FOXQ1: variants seen among roughly 807,000 people sequenced by gnomAD.
FOXQ1 encodes the protein forkhead box protein Q1.
FOXQ1 carries 1 observed loss-of-function variant against 0.6 expected under a neutral mutation model. The observed-to-expected ratio is 1.73, with a 90% CI of 0.61 to 8.20. The LOEUF is 8.20. FOXQ1 is among the 30% of genes most tolerant of loss of function. FOXQ1 has a pLI of 0.13. For missense variants in FOXQ1, 734 were observed against 595.6 expected, an observed-to-expected ratio of 1.23 and a Z score of -2.42; for synonymous variants, 377 against 294.4, an observed-to-expected ratio of 1.28 and a Z score of -2.87.
rs1347992814 is a variant in FOXQ1 at position 1,313,911 on chromosome 6, GC to G, written c.1209del (p.Ter404GlufsTer2). On this transcript the variant is annotated frameshift_variant, in exon 1 of 1. Coordinates refer to ENST00000296839, the MANE Select transcript of FOXQ1 (RefSeq NM_033260.4). LOFTEE classifies it high-confidence loss of function. The surrounding 1 kb of genome is among the most constrained non-coding windows in gnomAD (Gnocchi z 5.2). ...GCCGTACCCGGTGGAGACGCTCCTAGCCTGAGTAGCGCCGCGGGGCCCGGGA... is the reference window on the plus strand; with the variant it reads ...GCCGTACCCGGTGGAGACGCTCCTAGCTGAGTAGCGCCGCGGGGCCCGGGA... ...HLPYPVETLL[A>X] 2 of 1,250,632 alleles carry G rather than the reference GC, an allele frequency of 1.6e-6. No homozygotes were observed. Among genetic ancestry groups the G allele is most frequent in the Non-Finnish European group, 2.0e-6 (2 of 999,692 alleles). 77.5% of individuals were successfully genotyped at this position (1,250,632 alleles called of 1,614,324 possible). A position where few individuals can be genotyped will look rare whatever the true frequency, so the allele number is the denominator to read the frequency against.
chr6:1,313,293 A>C lies in FOXQ1; in HGVS notation c.589A>C (p.Asn197His). The C allele has an allele frequency of 6.2e-7, 1 of 1,608,120 alleles. No homozygotes were observed. The change falls in exon 1 of 1, where the codon AAC (asparagine) becomes CAC (histidine). Residue 197 changes from asparagine (N) to histidine (H), a missense_variant. By Grantham distance (68) the Asn-to-His change is moderately conservative. Coordinates refer to ENST00000296839, the MANE Select transcript of FOXQ1 (RefSeq NM_033260.4). This position sits in a 1 kb window ranked among gnomAD's most constrained non-coding sequence, Gnocchi z 5.2. Reference protein sequence around the residue: ...PWGKDNYWMLNPNSEYTFADG... With the variant: ...PWGKDNYWMLHPNSEYTFADG... ...GGGCAAGGACAACTACTGGATGCTC[A>C]ACCCCAACAGCGAGTACACCTTCGC...
In FOXQ1 at chr6:1,314,023, A is replaced by T. The variant is rs1416376210; in HGVS notation, c.*107A>T. 4.2e-6 allele frequency: 5 copies of T among 1,198,832 alleles called. No homozygotes were observed. The highest frequency in any genetic ancestry group is 8.8e-5 in the Admixed American group (2 of 22,610). 74.3% of individuals were successfully genotyped at this position (1,198,832 alleles called of 1,614,324 possible). ...TGAATCCAGAGGAAGATGAATTTTTAAAATCTCCATCAAACGTGCCTTAAA... is the reference window on the plus strand; with the variant it reads ...TGAATCCAGAGGAAGATGAATTTTTTAAATCTCCATCAAACGTGCCTTAAA... On this transcript the variant is annotated 3_prime_UTR_variant, in exon 1 of 1. Coordinates refer to ENST00000296839, the MANE Select transcript of FOXQ1 (RefSeq NM_033260.4).
Position 1,314,118 on chromosome 6 carries a change from A to G in FOXQ1, c.*202A>G. ...TTTCCTTTGTGTTTTATAACTTTAC[A>G]GAGGACCAAAGCAATTCTTGTTTTA... is the stretch of plus-strand genomic sequence containing the variant. On this transcript the variant is annotated 3_prime_UTR_variant, in exon 1 of 1. Coordinates refer to ENST00000296839, the MANE Select transcript of FOXQ1 (RefSeq NM_033260.4). 1 of 723,974 alleles carries G rather than the reference A, an allele frequency of 1.4e-6. No individual in the cohort carries two copies. Among genetic ancestry groups the G allele is most frequent in the Non-Finnish European group, 1.9e-6 (1 of 523,776 alleles). 44.8% of individuals were successfully genotyped at this position (723,974 alleles called of 1,614,324 possible). A position where few individuals can be genotyped will look rare whatever the true frequency, so the allele number is the denominator to read the frequency against.
At position 1,313,444 on chromosome 6, in the gene FOXQ1, C is replaced by G. The variant is rs779031088; in HGVS notation, c.740C>G (p.Ala247Gly). Residue 247 changes from alanine to glycine, a missense_variant, in exon 1 of 1, where the codon GCC (alanine) becomes GGC (glycine). Transcript: ENST00000296839. This position sits in a 1 kb window ranked among gnomAD's most constrained non-coding sequence, Gnocchi z 5.2. ...AAPPPAPAAP[A>G]SPRMRSPARQ... is the part of the protein sequence containing the mutation. The stretch of plus-strand genomic sequence containing the variant: ...CCGCCGCCCGCGCCCGCCGCCCCGG[C>G]CTCGCCCCGCATGCGCTCGCCCGCC... 3.1e-5 allele frequency: 32 copies of G among 1,023,994 alleles called. No individual in the cohort carries two copies. The highest frequency in any genetic ancestry group is 3.6e-5 in the Non-Finnish European group (31 of 860,118). The allele number at this position is 1,023,994 out of a possible 1,614,324, so 63.4% of individuals were successfully genotyped here.
Position 1,312,478 on chromosome 6 carries a change from C to T in FOXQ1, c.-227C>T. On this transcript the variant is annotated 5_prime_UTR_variant, in exon 1 of 1. Transcript: ENST00000296839. Reference sequence around the variant, plus strand: ...CGAAGGCGACACCCACCCAACTCCTCCCTCTCCGCCCCATAGTCCACCCAA... The same window carrying T: ...CGAAGGCGACACCCACCCAACTCCTTCCTCTCCGCCCCATAGTCCACCCAA... 1.7e-6 allele frequency: 1 copy of T among 589,274 alleles called. No homozygotes were observed. The highest frequency in any genetic ancestry group is 2.5e-6 in the Non-Finnish European group (1 of 405,246). 36.5% of individuals were successfully genotyped at this position (589,274 alleles called of 1,614,324 possible).
rs747919243 is a variant in FOXQ1, at chr6:1,313,490, C to G, written c.786C>G (p.Ser262Arg). The G allele has an allele frequency of 7.8e-5, 92 of 1,187,054 alleles. No homozygotes were observed. The highest frequency in any genetic ancestry group is 9.3e-5 in the Non-Finnish European group (88 of 941,586). 73.5% of individuals were successfully genotyped at this position (1,187,054 alleles called of 1,614,324 possible). The change falls in exon 1 of 1, where the codon AGC becomes AGG. Residue 262 changes from serine (S) to arginine (R), a missense_variant. By Grantham distance (110) the Ser-to-Arg change is moderately radical (BLOSUM62 -1). Coordinates refer to ENST00000296839, the MANE Select transcript of FOXQ1 (RefSeq NM_033260.4). This position sits in a 1 kb window ranked among gnomAD's most constrained non-coding sequence, Gnocchi z 5.2. ...RSPARQEERA[S>R]PAGKFSSSFA... ...CCGCCCGCCAGGAGGAGCGCGCCAG[C>G]CCCGCGGGCAAGTTCTCCAGCTCCT...
At position 1,313,838 on chromosome 6, in the gene FOXQ1, G is replaced by T. The variant is rs1157901360; in HGVS notation, c.1134G>T (p.Leu378=). ...GGAHLYCPLR[L]PAALQAASVR... ...CGCACCTGTACTGCCCCCTGCGGCT[G>T]CCCGCAGCCCTGCAGGCGGCCTCAG... Residue 378 remains leucine, a synonymous_variant, in exon 1 of 1, where the codon CTG becomes CTT. Transcript: ENST00000296839. The surrounding 1 kb of genome is among the most constrained non-coding windows in gnomAD (Gnocchi z 5.2). The T allele has an allele frequency of 7.7e-7, 1 of 1,296,532 alleles. No homozygotes were observed. The highest frequency in any genetic ancestry group is 9.7e-7 in the Non-Finnish European group (1 of 1,028,120). The allele number at this position is 1,296,532 out of a possible 1,614,324, so 80.3% of individuals were successfully genotyped here. A position where few individuals can be genotyped will look rare whatever the true frequency, so the allele number is the denominator to read the frequency against.
rs1757587755 is a variant in FOXQ1, at chr6:1,313,550, CA to C, written c.847del (p.Ser283AlafsTer120). 7.9e-7 allele frequency: 1 copy of C among 1,266,134 alleles called. No homozygotes were observed. Among genetic ancestry groups the C allele is most frequent in the African/African-American group, 1.6e-5 (1 of 62,590 alleles). 78.4% of individuals were successfully genotyped at this position (1,266,134 alleles called of 1,614,324 possible). On this transcript the variant is annotated frameshift_variant, in exon 1 of 1. Coordinates refer to ENST00000296839, the MANE Select transcript of FOXQ1 (RefSeq NM_033260.4). LOFTEE classifies it low-confidence loss of function (END_TRUNC). This position sits in a 1 kb window ranked among gnomAD's most constrained non-coding sequence, Gnocchi z 5.2. ...ACAGCATCCTGCGCAAGCCCTTCCG[CA>C]GCCGCCGCCTCAGGGACACGGCCCC... Reference protein sequence around the residue: ...IDSILRKPFRSRRLRDTAPGT... With the variant: ...IDSILRKPFRXRRLRDTAPGT...
chr6:1,312,735 G>A lies in FOXQ1; in HGVS notation c.31G>A (p.Ala11Thr), dbSNP rs984768183. The change falls in exon 1 of 1, where the codon GCC becomes ACC. Residue 11 changes from alanine to threonine, a missense_variant. Transcript: ENST00000296839. The stretch of plus-strand genomic sequence containing the variant: ...GTTGGAGGTGTTCGTCCCTCGCGCG[G>A]CCCACGGGGACAAGCAGGGCAGTGA... MKLEVFVPRA[A>T]HGDKQGSDLE... 2 of 1,355,154 alleles carry A rather than the reference G, an allele frequency of 1.5e-6. No homozygotes were observed. The highest frequency in any genetic ancestry group is 3.0e-5 in the East Asian group (1 of 32,836). 83.9% of individuals were successfully genotyped at this position (1,355,154 alleles called of 1,614,324 possible).
In FOXQ1 at chr6:1,314,129, G is replaced by A. The variant is rs1757603940; in HGVS notation, c.*213G>A. ...TTTTATAACTTTACAGAGGACCAAAGCAATTCTTGTTTTAGTTTCTTTGCG... is the reference window on the plus strand; with the variant it reads ...TTTTATAACTTTACAGAGGACCAAAACAATTCTTGTTTTAGTTTCTTTGCG... On this transcript the variant is annotated 3_prime_UTR_variant, in exon 1 of 1. Coordinates refer to ENST00000296839, the MANE Select transcript of FOXQ1 (RefSeq NM_033260.4). 3.2e-5 allele frequency: 22 copies of A among 682,832 alleles called. No homozygotes were observed. Among genetic ancestry groups the A allele is most frequent in the Admixed American group, 4.7e-5 (1 of 21,182 alleles). The allele number at this position is 682,832 out of a possible 1,614,324, so 42.3% of individuals were successfully genotyped here. A position where few individuals can be genotyped will look rare whatever the true frequency, so the allele number is the denominator to read the frequency against.
rs1757605790 is a variant in FOXQ1 at position 1,314,207 on chromosome 6, C to G, written c.*291C>G. ...GACTTTTTTTGTCTTTCTTTAACGC[C>G]CAGGCTTCGTCTTATTTCTACTGTT... On this transcript the variant is annotated 3_prime_UTR_variant, in exon 1 of 1. Coordinates refer to ENST00000296839, the MANE Select transcript of FOXQ1 (RefSeq NM_033260.4). 4.1e-6 allele frequency: 1 copy of G among 243,772 alleles called. No individual in the cohort carries two copies. Among genetic ancestry groups the G allele is most frequent in the Non-Finnish European group, 8.2e-6 (1 of 122,110 alleles). The allele number at this position is 243,772 out of a possible 1,614,324, so 15.1% of individuals were successfully genotyped here.
In FOXQ1 at chr6:1,312,993, G is replaced by A; in HGVS notation, c.289G>A (p.Gly97Arg). Reference sequence around the variant, plus strand: ...GGAGGGCGCGGAGGCCGGGGCGGCGGGGCCAGGCGCGGGCGGCGCGGGGAG... The same window carrying A: ...GGAGGGCGCGGAGGCCGGGGCGGCGAGGCCAGGCGCGGGCGGCGCGGGGAG... ...VAEGAEAGAA[G>R]PGAGGAGSGE... The change falls in exon 1 of 1, where the codon GGG becomes AGG. Residue 97 changes from glycine to arginine, a missense_variant. Gly to Arg is a moderately radical substitution (Grantham distance 125). Coordinates refer to ENST00000296839, the MANE Select transcript of FOXQ1 (RefSeq NM_033260.4). The A allele has an allele frequency of 8.3e-6, 11 of 1,318,320 alleles. No individual in the cohort carries two copies. The highest frequency in any genetic ancestry group is 1.1e-5 in the Non-Finnish European group (11 of 1,037,054). 81.7% of individuals were successfully genotyped at this position (1,318,320 alleles called of 1,614,324 possible). A position where few individuals can be genotyped will look rare whatever the true frequency, so the allele number is the denominator to read the frequency against.
Position 1,313,793 on chromosome 6 carries a change from A to C in FOXQ1, c.1089A>C (p.Arg363=). ...CGGCGGCCCCCGCCAAGCCACTCCG[A>C]GGCCCGGCGGCCGGCGGCGCGCACC... ...LPAAAPAKPL[R]GPAAGGAHLY... is the part of the protein sequence containing the mutation. Residue 363 remains arginine, a synonymous_variant, in exon 1 of 1, where the codon CGA becomes CGC. Coordinates refer to ENST00000296839, the MANE Select transcript of FOXQ1 (RefSeq NM_033260.4). This position sits in a 1 kb window ranked among gnomAD's most constrained non-coding sequence, Gnocchi z 5.2. 1 of 1,269,746 alleles carries C rather than the reference A, an allele frequency of 7.9e-7. No individual in the cohort carries two copies. The highest frequency in any genetic ancestry group is 9.9e-7 in the Non-Finnish European group (1 of 1,010,204). The allele number at this position is 1,269,746 out of a possible 1,614,324, so 78.7% of individuals were successfully genotyped here. A position where few individuals can be genotyped will look rare whatever the true frequency, so the allele number is the denominator to read the frequency against.
rs577791712 is a variant in FOXQ1 at position 1,312,265 on chromosome 6, T to G, written c.-440T>G. ...CGCACATCATCCGGCACCATTTCCG[T>G]GCCCCGAAGACGCCCGCGCGGGACC... On this transcript the variant is annotated 5_prime_UTR_variant, in exon 1 of 1. Transcript: ENST00000296839. 6.6e-6 allele frequency among the ~76,000 whole-genome samples: 1 copy of G among 152,282 alleles called. No homozygotes were observed. Among genetic ancestry groups the G allele is most frequent in the East Asian group, 1.9e-4 (1 of 5,146 alleles).
chr6:1,312,736 C>G lies in FOXQ1; in HGVS notation c.32C>G (p.Ala11Gly). The change falls in exon 1 of 1, where the codon GCC becomes GGC. Residue 11 changes from alanine (A) to glycine (G), a missense_variant. Physicochemically the swap from Ala to Gly is moderately conservative, Grantham distance 60 (BLOSUM62 0). Transcript: ENST00000296839. ...TTGGAGGTGTTCGTCCCTCGCGCGG[C>G]CCACGGGGACAAGCAGGGCAGTGAC... is the stretch of plus-strand genomic sequence containing the variant. Reference protein sequence around the residue: MKLEVFVPRAAHGDKQGSDLE... With the variant: MKLEVFVPRAGHGDKQGSDLE... 2.2e-6 allele frequency: 3 copies of G among 1,354,656 alleles called. No homozygotes were observed. Among genetic ancestry groups the G allele is most frequent in the Non-Finnish European group, 2.8e-6 (3 of 1,056,834 alleles). The allele number at this position is 1,354,656 out of a possible 1,614,324, so 83.9% of individuals were successfully genotyped here. A position where few individuals can be genotyped will look rare whatever the true frequency, so the allele number is the denominator to read the frequency against.
chr6:1,313,778 C>A lies in FOXQ1; in HGVS notation c.1074C>A (p.Pro358=), dbSNP rs945401352. 8.0e-7 allele frequency: 1 copy of A among 1,254,284 alleles called. No homozygotes were observed. The highest frequency in any genetic ancestry group is 2.9e-5 in the South Asian group (1 of 34,182). 77.7% of individuals were successfully genotyped at this position (1,254,284 alleles called of 1,614,324 possible). The change falls in exon 1 of 1, where the codon CCC becomes CCA. Residue 358 remains proline (P), a synonymous_variant. Transcript: ENST00000296839. The surrounding 1 kb of genome is among the most constrained non-coding windows in gnomAD (Gnocchi z 5.2). ...LLLAPLPAAA[P]AKPLRGPAAG... ...TTGCACCTCTCCCGGCGGCGGCCCC[C>A]GCCAAGCCACTCCGAGGCCCGGCGG...
In FOXQ1 at chr6:1,313,652, C is replaced by T. The variant is rs1156358943; in HGVS notation, c.948C>T (p.Pro316=). 1.1e-5 allele frequency: 12 copies of T among 1,050,260 alleles called. No individual in the cohort carries two copies. The highest frequency in any genetic ancestry group is 1.4e-5 in the Non-Finnish European group (12 of 876,018). 65.1% of individuals were successfully genotyped at this position (1,050,260 alleles called of 1,614,324 possible). A position where few individuals can be genotyped will look rare whatever the true frequency, so the allele number is the denominator to read the frequency against. Residue 316 remains proline, a synonymous_variant, in exon 1 of 1, where the codon CCC becomes CCT. Coordinates refer to ENST00000296839, the MANE Select transcript of FOXQ1 (RefSeq NM_033260.4). The surrounding 1 kb of genome is among the most constrained non-coding windows in gnomAD (Gnocchi z 5.2). ...TCCCCGCGCTCCTCCCCGCGGCGCC[C>T]TGCAGGGCCCTGCTGCCGCTCTGCG... ...PAFPALLPAA[P]CRALLPLCAY...
chr6:1,312,505 A>C lies in FOXQ1; in HGVS notation c.-200A>C. On this transcript the variant is annotated 5_prime_UTR_variant, in exon 1 of 1. Coordinates refer to ENST00000296839, the MANE Select transcript of FOXQ1 (RefSeq NM_033260.4). Reference sequence around the variant, plus strand: ...CTCTCCGCCCCATAGTCCACCCAACACTTGCAGCCCCTCCAGAGAAAAAGC... The same window carrying C: ...CTCTCCGCCCCATAGTCCACCCAACCCTTGCAGCCCCTCCAGAGAAAAAGC... 1.2e-6 allele frequency: 1 copy of C among 810,252 alleles called. No homozygotes were observed. Among genetic ancestry groups the C allele is most frequent in the Non-Finnish European group, 1.7e-6 (1 of 603,372 alleles). 50.2% of individuals were successfully genotyped at this position (810,252 alleles called of 1,614,324 possible).
chr6:1,313,280 C>T lies in FOXQ1; in HGVS notation c.576C>T (p.Asn192=), dbSNP rs775302684. 1 of 1,609,470 alleles carries T rather than the reference C, an allele frequency of 6.2e-7. No homozygotes were observed. Among genetic ancestry groups the T allele is most frequent in the Non-Finnish European group, 8.5e-7 (1 of 1,178,424 alleles). The change falls in exon 1 of 1, where the codon AAC becomes AAT. Residue 192 remains asparagine (N), a synonymous_variant. Transcript: ENST00000296839. The surrounding 1 kb of genome is among the most constrained non-coding windows in gnomAD (Gnocchi z 5.2). ...CCTCGCGGCCCTGGGGCAAGGACAA[C>T]TACTGGATGCTCAACCCCAACAGCG... ...RDPSRPWGKD[N]YWMLNPNSEY...
Sources: allele counts gnomAD v4.1 joint callset (sites outside exome capture counted in the v4.1 genomes callset), GRCh38; gene constraint gnomAD v4.1.1; non-coding constraint Gnocchi (gnomAD v3.1); transcripts MANE v1.5; gene names NCBI Gene and HGNC (gene_info 2026-07-23, HGNC 2026-07-21).